GNAO1: variants seen among roughly 807,000 people sequenced by gnomAD.
GNAO1 encodes the protein G protein subunit alpha o1.
For synonymous variants in GNAO1, 164 were observed against 180.7 expected (o/e 0.91, Z 0.74); for missense variants, 166 against 478.7 (o/e 0.35, Z 6.10).
intron 2 of GNAO1, among the ~76,000 whole-genome samples, chr16:56,224,708 T>C (rs897120452): frequency 1.3e-5 from 2 of 152,214 alleles, no homozygotes; most frequent in Admixed American, 6.5e-5. Context: ...CTCGAACTCC[T>C]GACCTCAAGT....
rs1189763631 is a variant in GNAO1, at chr16:56,357,017, C to T, written c.*943C>T. Reference sequence around the variant, plus strand: ...CATGTGGGGATGTTTGTGCTGCAGACAAAAAGAACAAAAAAAAATTTTTAA... The same window carrying T: ...CATGTGGGGATGTTTGTGCTGCAGATAAAAAGAACAAAAAAAAATTTTTAA... On this transcript the variant is annotated 3_prime_UTR_variant, in exon 9 of 9. Coordinates refer to ENST00000262493, the MANE Select transcript of GNAO1 (RefSeq NM_020988.3). 7.4e-6 allele frequency: 1 copy of T among 135,372 alleles called. No homozygotes were observed. Among genetic ancestry groups the T allele is most frequent in the African/African-American group, 2.8e-5 (1 of 35,794 alleles). 8.4% of individuals were successfully genotyped at this position (135,372 alleles called of 1,614,324 possible).
At chr16:56,236,637 A>C (rs567738699) in intron 2 of GNAO1, among the ~76,000 whole-genome samples, 37 of 152,308 alleles carry the variant, frequency 2.4e-4, no homozygotes, top group African/African-American at 8.9e-4. Context: ...CTTCTTTCCT[A>C]GAGTGACCTT....
chr16:56,310,984 A>G (rs1364412122), intron 3 of GNAO1, among the ~76,000 whole-genome samples: 12 of 152,058 alleles, frequency 7.9e-5, no homozygotes. Context: ...TCATTTTCAC[A>G]TTTCATTGAT....
chr16:56,245,379 T>C (rs1332236192), intron 2 of GNAO1: 1 of 153,970 alleles, frequency 6.5e-6, no homozygotes, highest in Non-Finnish European at 1.5e-5. Context: ...AGGTCTTTTG[T>C]AGAAGAGTTC....
chr16:56,287,471 G>T (rs1331614442), intron 3 of GNAO1, among the ~76,000 whole-genome samples: 1 of 152,210 alleles, frequency 6.6e-6, no homozygotes, highest in Non-Finnish European at 1.5e-5. Flanking sequence ...TACTCACAGG[G>T]TTGTTGTGGC....
chr16:56,291,557 C>T (rs530336375), intron 3 of GNAO1, among the ~76,000 whole-genome samples: 3 of 152,164 alleles, frequency 2.0e-5, no homozygotes, highest in East Asian at 3.8e-4. Context: ...CATTATCTTT[C>T]GAATTTTGTG....
chr16:56,271,887 A>G (rs1348150341), intron 2 of GNAO1, among the ~76,000 whole-genome samples: 1 of 152,222 alleles, frequency 6.6e-6, no homozygotes, highest in African/African-American at 2.4e-5. Context: ...CACACAGCTC[A>G]TCCTGTCCAA....
chr16:56,336,983 G>C, intron 6 of GNAO1, 123 bp downstream of exon 6: 1 of 946,882 alleles, frequency 1.1e-6, no homozygotes, highest in South Asian at 1.7e-5. Context: ...CAGCTGTTGT[G>C]GTTAGAGGTT....
At chr16:56,345,112 C>T (rs950211747) in intron 6 of GNAO1, 200 of 985,504 alleles carry the variant, frequency 2.0e-4, no homozygotes, top group Non-Finnish European at 2.3e-4. Flanking sequence ...GGCTTCACTG[C>T]GGAGATCCCT....
chr16:56,221,762 G>A (rs1023743888), intron 2 of GNAO1, among the ~76,000 whole-genome samples: 1 of 152,006 alleles, frequency 6.6e-6, no homozygotes, highest in Non-Finnish European at 1.5e-5. Context: ...GTACCACGGG[G>A]TACAAGGATA....
chr16:56,318,135 C>T (rs571748419), intron 3 of GNAO1, among the ~76,000 whole-genome samples: 19 of 152,308 alleles, frequency 1.2e-4, no homozygotes, highest in African/African-American at 4.3e-4. Context: ...GGAAAGCAGA[C>T]CCCCGCCCCG....
intron 2 of GNAO1, among the ~76,000 whole-genome samples, chr16:56,245,912 T>C (rs2036739632): frequency 6.6e-6 from 1 of 152,154 alleles, no homozygotes; most frequent in Admixed American, 6.5e-5. Flanking sequence ...GGGAGGTTTA[T>C]AATTCAGATT....
chr16:56,219,208 A>T (rs1430785736), intron 2 of GNAO1, among the ~76,000 whole-genome samples: 1 of 152,108 alleles, frequency 6.6e-6, no homozygotes, highest in Non-Finnish European at 1.5e-5. Context: ...TTTCCATCCC[A>T]CTGGGTCTTG....
At chr16:56,269,481 G>T (rs111674379) in intron 2 of GNAO1, among the ~76,000 whole-genome samples, 2 of 152,136 alleles carry the variant, frequency 1.3e-5, no homozygotes, top group African/African-American at 4.8e-5. Context: ...ATTGACTGCC[G>T]ACTGTGCTGG....
chr16:56,335,604 G>A (rs1372126805), intron 5 of GNAO1, among the ~76,000 whole-genome samples: 2 of 152,160 alleles, frequency 1.3e-5, no homozygotes, highest in Non-Finnish European at 2.9e-5. Context: ...TCAGACTGAG[G>A]GGCCGAGGCT....
rs2036260944 is a variant in GNAO1, at chr16:56,199,272, T to A, written c.161+6656T>A. On this transcript the variant is annotated intron_variant, in intron 2 of 8. Coordinates refer to ENST00000262493, the MANE Select transcript of GNAO1 (RefSeq NM_020988.3). ...TTGTCAGCCAGGAAATTTGTAGTTC[T>A]GAGAGTCAATTTGAGAAAAACACCT... 4.6e-5 allele frequency among the ~76,000 whole-genome samples: 7 copies of A among 152,360 alleles called. No homozygotes were observed. In the South Asian group the frequency reaches 1.4e-3, roughly 32 times the overall value.
At chr16:56,347,823 A>T (rs951023358) in intron 6 of GNAO1, 7 of 932,826 alleles carry the variant, frequency 7.5e-6, no homozygotes, top group Non-Finnish European at 8.6e-6. Flanking sequence ...TGTTACTCCC[A>T]CAGCTCTGGG....
At chr16:56,250,286 T>C (rs2036788084) in intron 2 of GNAO1, among the ~76,000 whole-genome samples, 1 of 152,286 alleles carries the variant, frequency 6.6e-6, no homozygotes, top group African/African-American at 2.4e-5. Flanking sequence ...ACCAGGGGTC[T>C]TCAGACCAGT....
At chr16:56,320,367 G>A (rs1166356160) in intron 3 of GNAO1, among the ~76,000 whole-genome samples, 1 of 152,174 alleles carries the variant, frequency 6.6e-6, no homozygotes, top group Non-Finnish European at 1.5e-5. Context: ...CCTGTGCTAA[G>A]TGCCCTCCGT....
Sources: allele counts gnomAD v4.1 joint callset (sites outside exome capture counted in the v4.1 genomes callset), GRCh38; gene constraint gnomAD v4.1.1; transcripts MANE v1.5; gene names NCBI Gene and HGNC (gene_info 2026-07-23, HGNC 2026-07-21).